Variants in DYNC1LI1 observed in about 807,000 individuals in gnomAD.
DYNC1LI1 encodes cytoplasmic dynein 1 light intermediate chain 1.
In DYNC1LI1, 19 loss-of-function variants were observed where a neutral mutation model predicts 63.8. The ratio of observed to expected loss-of-function variants is 0.30; its 90% CI spans 0.21 to 0.44. DYNC1LI1 has a LOEUF of 0.44. Among genes scored for constraint, DYNC1LI1 ranks in the 20% least tolerant of loss-of-function variants. DYNC1LI1 has a pLI of 1.00. For missense variants in DYNC1LI1, 565 were observed against 630.2 expected (o/e 0.90, Z 1.11); for synonymous variants, 225 against 232.3 (o/e 0.97, Z 0.28).
At chr3:32,568,052 G>C (rs1254398381) in intron 2 of DYNC1LI1, among the ~76,000 whole-genome samples, 2 of 152,048 alleles carry the variant, frequency 1.3e-5, no homozygotes, top group Middle Eastern at 3.2e-3. Context: ...TACCCAGGCT[G>C]GTCTCCAACT....
chr3:32,564,983 G>C (rs1206455330), intron 2 of DYNC1LI1, among the ~76,000 whole-genome samples: 1 of 152,086 alleles, frequency 6.6e-6, no homozygotes, highest in Non-Finnish European at 1.5e-5. Context: ...TTCCTGAAGG[G>C]GGGGAAAAAA....
At position 32,526,019 on chromosome 3, in the gene DYNC1LI1, G is replaced by C. The variant is rs1241153229; in HGVS notation, c.*780C>G. The stretch of plus-strand genomic sequence containing the variant: ...ATAAATACTTTATTAACTGATTACA[G>C]TTGAAAGTCACAAACAAAAAAGGGG... On this transcript the variant is annotated 3_prime_UTR_variant, in exon 13 of 13. Coordinates refer to ENST00000273130, the MANE Select transcript of DYNC1LI1 (RefSeq NM_016141.4). The C allele has an allele frequency of 2.6e-5, 4 of 152,336 alleles. No individual in the cohort carries two copies. Among genetic ancestry groups the C allele is most frequent in the Non-Finnish European group, 4.4e-5 (3 of 67,988 alleles). The allele number at this position is 152,336 out of a possible 1,614,324, so 9.4% of individuals were successfully genotyped here. A position where few individuals can be genotyped will look rare whatever the true frequency, so the allele number is the denominator to read the frequency against.
chr3:32,565,799 G>C (rs1442495881), intron 2 of DYNC1LI1, among the ~76,000 whole-genome samples: 1 of 152,104 alleles, frequency 6.6e-6, no homozygotes, highest in Non-Finnish European at 1.5e-5. Flanking sequence ...AGTAGAGACT[G>C]GGTTTCACCA....
chr3:32,532,701 C>T (rs547029521), intron 8 of DYNC1LI1: 8 of 276,400 alleles, frequency 2.9e-5, no homozygotes, highest in Non-Finnish European at 5.0e-5. Context: ...TTCACTCATG[C>T]CAATCTGATT....
intron 2 of DYNC1LI1, among the ~76,000 whole-genome samples, chr3:32,562,284 A>G (rs1008247723): frequency 1.3e-4 from 20 of 152,284 alleles, no homozygotes; most frequent in Non-Finnish European, 2.4e-4. Flanking sequence ...AAATAAATAA[A>G]TAAGAAAAAA....
chr3:32,537,929 A>ATATATATATAATT (rs1697802766), intron 5 of DYNC1LI1, among the ~76,000 whole-genome samples: 3 of 25,414 alleles, frequency 1.2e-4, no homozygotes, highest in African/African-American at 2.9e-4. Flanking sequence ...TATATATAAT[A>ATATATATATAATT]TATATATAAT....
intron 2 of DYNC1LI1, among the ~76,000 whole-genome samples, chr3:32,560,108 G>A (rs79163157): frequency 2.6e-5 from 4 of 152,292 alleles, no homozygotes; most frequent in Non-Finnish European, 5.9e-5. Flanking sequence ...GTCAAGGGGT[G>A]CCTGTAGAGC....
intron 2 of DYNC1LI1, among the ~76,000 whole-genome samples, chr3:32,565,844 G>A (rs1248858759): frequency 6.6e-6 from 1 of 152,122 alleles, no homozygotes; most frequent in African/African-American, 2.4e-5. Flanking sequence ...CTTGACCTCA[G>A]GTGATCCACC....
At chr3:32,559,829 T>C (rs555812291) in intron 2 of DYNC1LI1, among the ~76,000 whole-genome samples, 1 of 152,246 alleles carries the variant, frequency 6.6e-6, no homozygotes, top group Admixed American at 6.5e-5. Flanking sequence ...AATTATCCTA[T>C]TTTATCTGAA....
At chr3:32,559,737 T>C (rs11707759) in intron 2 of DYNC1LI1, among the ~76,000 whole-genome samples, 37,981 of 152,214 alleles carry the variant, frequency 0.25, 4,956 homozygotes, top group African/African-American at 0.29. Flanking sequence ...CAGGGAATTC[T>C]AATGTGCTAT....
At chr3:32,549,222 A>G (rs1470681098) in intron 2 of DYNC1LI1, among the ~76,000 whole-genome samples, 1 of 151,632 alleles carries the variant, frequency 6.6e-6, no homozygotes, top group African/African-American at 2.4e-5. Context: ...CATTTAATTT[A>G]TAAGTACATT....
At chr3:32,541,428 A>G (rs558053070) in intron 4 of DYNC1LI1, among the ~76,000 whole-genome samples, 66 of 152,338 alleles carry the variant, frequency 4.3e-4, no homozygotes, top group Non-Finnish European at 7.4e-4. Context: ...ATGGCTCTAC[A>G]AAGTAGGGTT....
intron 2 of DYNC1LI1, among the ~76,000 whole-genome samples, chr3:32,556,053 C>A (rs964169710): frequency 3.9e-5 from 6 of 152,336 alleles, no homozygotes; most frequent in Non-Finnish European, 8.8e-5. Flanking sequence ...TCCTGCCCAT[C>A]TCTCACCATG....
chr3:32,541,279 G>A, intron 4 of DYNC1LI1, 73 bp from the exon 5 acceptor site: 2 of 1,019,282 alleles, frequency 2.0e-6, no homozygotes, highest in Non-Finnish European at 2.8e-6. Context: ...ATAATCTAAA[G>A]ATAAAATTTA....
At chr3:32,563,611 AG>A (rs1698221538) in intron 2 of DYNC1LI1, among the ~76,000 whole-genome samples, 1 of 152,116 alleles carries the variant, frequency 6.6e-6, no homozygotes, top group Admixed American at 6.6e-5. Flanking sequence ...TGTTAGTGAC[AG>A]AGTCCCACGC....
At chr3:32,555,822 AAG>A (rs1235156035) in intron 2 of DYNC1LI1, among the ~76,000 whole-genome samples, 1 of 152,250 alleles carries the variant, frequency 6.6e-6, no homozygotes, top group Non-Finnish European at 1.5e-5. Context: ...AAAAATGGGT[AAG>A]AGAGCAGGAC....
At chr3:32,528,640 CA>C (rs777435767) in intron 11 of DYNC1LI1, 39 bp from the exon 12 acceptor site, 16 of 1,555,572 alleles carry the variant, frequency 1.0e-5, no homozygotes, top group South Asian at 7.3e-5. Flanking sequence ...TTAGCCAAAA[CA>C]TAAGATTCTT....
At chr3:32,570,476 G>A in intron 1 of DYNC1LI1, 57 bp from the exon 2 acceptor site, 4 of 1,513,656 alleles carry the variant, frequency 2.6e-6, no homozygotes, top group Non-Finnish European at 3.6e-6. Flanking sequence ...GCGCGGGAGG[G>A]ACGGACCCGG....
chr3:32,536,312 T>C, intron 6 of DYNC1LI1, among the ~76,000 whole-genome samples: 1 of 152,184 alleles, frequency 6.6e-6, no homozygotes. Context: ...AACTGCAAAA[T>C]ATCTGATCCA....
Sources: gnomAD v4.1 joint callset for allele counts (sites outside exome capture counted in the v4.1 genomes callset) on GRCh38, gnomAD v4.1.1 for gene constraint, MANE v1.5 for transcripts, NCBI Gene and HGNC (gene_info 2026-07-23, HGNC 2026-07-21) for gene names.